IGSF21: variants seen among roughly 807,000 people sequenced by gnomAD.
IGSF21 encodes immunoglobulin superfamily member 21.
In IGSF21, 28 loss-of-function variants were observed where a neutral mutation model predicts 46.8. The ratio of observed to expected loss-of-function variants is 0.60; its 90% confidence interval spans 0.44 to 0.82. The LOEUF (loss-of-function observed/expected upper bound fraction) is 0.82. Among genes scored for constraint, IGSF21 ranks in the 40% least tolerant of loss-of-function variants. IGSF21 has a pLI of 0.00. For missense variants in IGSF21, 624 were observed against 665.5 expected, an observed-to-expected ratio of 0.94 and a Z score of 0.69; for synonymous variants, 284 against 273.6, an observed-to-expected ratio of 1.04 and a Z score of -0.38.
intron 1 of IGSF21, among the ~76,000 whole-genome samples, chr1:18,122,623 C>CTTT (rs1025219600): frequency 3.0e-5 from 4 of 133,068 alleles, no homozygotes; most frequent in African/African-American, 8.3e-5. Context: ...GATTTTTTTT[C>CTTT]TTTTTTTTTT....
chr1:18,284,875 T>C (rs1050028797), intron 2 of IGSF21, among the ~76,000 whole-genome samples: 8 of 149,640 alleles, frequency 5.3e-5, no homozygotes, highest in African/African-American at 1.9e-4. Context: ...ATCTAATCAG[T>C]TCATTAAAAC....
intron 3 of IGSF21, among the ~76,000 whole-genome samples, chr1:18,304,253 G>A (rs921594991): frequency 1.3e-5 from 2 of 152,210 alleles, no homozygotes; most frequent in African/African-American, 2.4e-5. Flanking sequence ...CAGAACTCAC[G>A]AGTTGTTTGA....
At chr1:18,132,729 G>A (rs1190237808) in intron 1 of IGSF21, among the ~76,000 whole-genome samples, 1 of 152,138 alleles carries the variant, frequency 6.6e-6, no homozygotes, top group Non-Finnish European at 1.5e-5. Flanking sequence ...TGGGTCCCTT[G>A]GTGGGCAAGG....
chr1:18,136,069 A>T (rs2086365803), intron 1 of IGSF21, among the ~76,000 whole-genome samples: 1 of 152,100 alleles, frequency 6.6e-6, no homozygotes. Context: ...TCTTTTGAGG[A>T]ATGTCTGTTC....
rs112621579 is a variant in IGSF21, at chr1:18,141,845, G to T, written c.70+33647G>T. On this transcript the variant is annotated intron_variant, in intron 1 of 9. Coordinates refer to ENST00000251296, the MANE Select transcript of IGSF21 (RefSeq NM_032880.5). ...GCACTTCGGCAGGCCAAGGCGAGCCGATTGCTTGAGGCCAAGACTTTGAGA... is the reference window on the plus strand; with the variant it reads ...GCACTTCGGCAGGCCAAGGCGAGCCTATTGCTTGAGGCCAAGACTTTGAGA... 3.9e-3 allele frequency among the ~76,000 whole-genome samples: 597 copies of T among 152,176 alleles called. 1 individual carries two copies. The highest frequency in any genetic ancestry group is 0.014 in the African/African-American group (576 of 41,512).
intron 2 of IGSF21, among the ~76,000 whole-genome samples, chr1:18,272,850 G>A (rs1469430032): frequency 1.3e-5 from 2 of 152,100 alleles, no homozygotes; most frequent in Non-Finnish European, 2.9e-5. Context: ...CCTTTGACAT[G>A]CATTCAAACC....
chr1:18,335,257 CA>C lies in IGSF21; in HGVS notation c.424+249del, dbSNP rs1308735025. Among the ~76,000 whole-genome samples the C allele has an allele frequency of 1.3e-5, 2 of 152,216 alleles. No homozygotes were observed. The highest frequency in any genetic ancestry group is 2.9e-5 in the Non-Finnish European group (2 of 68,044). ...GGTCCCCTTCTCAGCACAGGTACCC[CA>C]ACAGGACCCTCCCCAGGGAGTGAAG... is the stretch of plus-strand genomic sequence containing the variant. On this transcript the variant is annotated intron_variant, in intron 4 of 9. Coordinates refer to ENST00000251296, the MANE Select transcript of IGSF21 (RefSeq NM_032880.5). This position sits in a 1 kb window ranked among gnomAD's most constrained non-coding sequence, Gnocchi z 4.8.
intron 2 of IGSF21, among the ~76,000 whole-genome samples, chr1:18,282,453 C>T (rs1382356525): frequency 6.6e-6 from 1 of 152,020 alleles, no homozygotes. Context: ...GAGCGGGGTG[C>T]TGCATGGGAG....
At chr1:18,163,775 A>G (rs11260939) in intron 1 of IGSF21, among the ~76,000 whole-genome samples, 42,337 of 152,106 alleles carry the variant, frequency 0.28, 7,289 homozygotes, top group East Asian at 0.53. Context: ...AGAAGTGCCC[A>G]CCAATGTCTT....
chr1:18,372,285 G>C (rs1321839692), intron 6 of IGSF21, among the ~76,000 whole-genome samples: 1 of 152,238 alleles, frequency 6.6e-6, no homozygotes, highest in African/African-American at 2.4e-5. Context: ...GTGACAGGCA[G>C]AGGAAATATT....
chr1:18,325,695 C>T (rs533676325), intron 3 of IGSF21, among the ~76,000 whole-genome samples: 7 of 152,284 alleles, frequency 4.6e-5, no homozygotes, highest in Admixed American at 4.6e-4. Flanking sequence ...CCCCTGGGGT[C>T]TCCTGTAAGG....
At chr1:18,309,256 C>G (rs1204701145) in intron 3 of IGSF21, among the ~76,000 whole-genome samples, 1 of 152,112 alleles carries the variant, frequency 6.6e-6, no homozygotes, top group Non-Finnish European at 1.5e-5. Context: ...TGTAGCCACC[C>G]TAGGGGCAAT....
At chr1:18,281,618 G>C (rs905274453) in intron 2 of IGSF21, among the ~76,000 whole-genome samples, 10 of 150,402 alleles carry the variant, frequency 6.6e-5, no homozygotes, top group Non-Finnish European at 1.0e-4. Flanking sequence ...GGCTGAATAA[G>C]TCCCTCCTCC....
At chr1:18,137,713 A>G (rs923384704) in intron 1 of IGSF21, among the ~76,000 whole-genome samples, 1 of 152,148 alleles carries the variant, frequency 6.6e-6, no homozygotes, top group African/African-American at 2.4e-5. Flanking sequence ...AAGGATTTTC[A>G]TGTGTTTATC....
intron 1 of IGSF21, among the ~76,000 whole-genome samples, chr1:18,133,792 G>T (rs1171647615): frequency 6.6e-6 from 1 of 152,276 alleles, no homozygotes; most frequent in Non-Finnish European, 1.5e-5. Flanking sequence ...GAAGCCTCCG[G>T]TGGGGGGCTT....
At chr1:18,357,243 T>G (rs1379746970) in intron 4 of IGSF21, among the ~76,000 whole-genome samples, 6 of 125,404 alleles carry the variant, frequency 4.8e-5, no homozygotes, top group South Asian at 2.8e-4. Context: ...GAGATGAAGA[T>G]GGGGTTGGGG....
In IGSF21 at chr1:18,179,859, A is replaced by G. The variant is rs182621263; in HGVS notation, c.71-48039A>G. ...AAAGTAATAATAATGAGTATGAATG[A>G]ATAGCACACTCTGCTTTGACTGTCC... On this transcript the variant is annotated intron_variant, in intron 1 of 9. Coordinates refer to ENST00000251296, the MANE Select transcript of IGSF21 (RefSeq NM_032880.5). Among the ~76,000 whole-genome samples the G allele has an allele frequency of 2.2e-3, 333 of 152,348 alleles. 1 individual carries two copies. Among genetic ancestry groups the G allele is most frequent in the African/African-American group, 7.6e-3 (315 of 41,586 alleles).
intron 1 of IGSF21, among the ~76,000 whole-genome samples, chr1:18,162,253 T>C (rs566324402): frequency 6.6e-6 from 1 of 152,262 alleles, no homozygotes; most frequent in South Asian, 2.1e-4. Context: ...TTGCCATGTT[T>C]CCCAGGCTGG....
intron 2 of IGSF21, among the ~76,000 whole-genome samples, chr1:18,234,644 A>C (rs549836934): frequency 6.6e-6 from 1 of 152,164 alleles, no homozygotes; most frequent in Non-Finnish European, 1.5e-5. Flanking sequence ...GGCAGGGAGA[A>C]GTGCCAGCAG....
Sources: gnomAD v4.1 joint callset for allele counts (sites outside exome capture counted in the v4.1 genomes callset) on GRCh38, gnomAD v4.1.1 for gene constraint, Gnocchi (gnomAD v3.1) non-coding constraint, MANE v1.5 for transcripts, NCBI Gene and HGNC (gene_info 2026-07-23, HGNC 2026-07-21) for gene names.